ACACA: variants seen among roughly 807,000 people sequenced by gnomAD.
ACACA encodes the protein acetyl-CoA carboxylase alpha, also known as acetyl-CoA carboxylase 1.
A neutral mutation model predicts 296.1 loss-of-function variants in ACACA; 103 were observed. The ratio of observed to expected loss-of-function variants is 0.35; its 90% CI spans 0.30 to 0.41. The LOEUF (loss-of-function observed/expected upper bound fraction) is 0.41. Among genes scored for constraint, ACACA ranks in the 10% least tolerant of loss-of-function variants. ACACA has a pLI of 1.00. For missense variants in ACACA, 1,554 were observed against 2,989.7 expected, an observed-to-expected ratio of 0.52 and a Z score of 11.20; for synonymous variants, 953 against 1,038.6, an observed-to-expected ratio of 0.92 and a Z score of 1.58.
chr17:37,397,190 T>C (rs1274945593), intron 1 of ACACA, among the ~76,000 whole-genome samples: 3 of 152,300 alleles, frequency 2.0e-5, no homozygotes, highest in South Asian at 4.1e-4. Context: ...TCCAGCTTCA[T>C]CCATGTCCCT....
intron 3 of ACACA, among the ~76,000 whole-genome samples, chr17:37,312,268 T>C (rs1312412994): frequency 1.3e-5 from 2 of 152,138 alleles, no homozygotes; most frequent in East Asian, 1.9e-4. Context: ...CAGGCAATTG[T>C]CTACTGCAAC....
chr17:37,085,606 C>A lies in ACACA; in HGVS notation c.*1710G>T. On this transcript the variant is annotated 3_prime_UTR_variant, in exon 56 of 56. Transcript: ENST00000616317. ...GTCCCCCACCACTTTATGCCCTTTT[C>A]TGAAGGTGCTGAACACCTGTACCTT... 1 of 399,050 alleles carries A rather than the reference C, an allele frequency of 2.5e-6. No individual in the cohort carries two copies. 24.7% of individuals were successfully genotyped at this position (399,050 alleles called of 1,614,324 possible).
chr17:37,357,041 C>T (rs1253114094), intron 1 of ACACA, among the ~76,000 whole-genome samples: 1 of 152,144 alleles, frequency 6.6e-6, no homozygotes, highest in Non-Finnish European at 1.5e-5. Flanking sequence ...GATGAGAGAG[C>T]GTTCTCTGAG....
intron 39 of ACACA, 52 bp from the exon 40 acceptor site, chr17:37,181,408 G>C: frequency 5.6e-6 from 9 of 1,603,018 alleles, no homozygotes; most frequent in Non-Finnish European, 6.8e-6. Context: ...AAAAATCAGA[G>C]AGCTGCCTAG....
At chr17:37,291,009 G>A (rs1407922736) in intron 3 of ACACA, among the ~76,000 whole-genome samples, 1 of 148,978 alleles carries the variant, frequency 6.7e-6, no homozygotes, top group Non-Finnish European at 1.5e-5. Context: ...TTGAACCTGG[G>A]AGGTAGAGGT....
chr17:37,143,531 T>C (rs748009870), intron 45 of ACACA: 4 of 448,884 alleles, frequency 8.9e-6, no homozygotes, highest in African/African-American at 2.1e-5. Context: ...CTTTTGGTAG[T>C]GTGTTAACTA....
intron 2 of ACACA, among the ~76,000 whole-genome samples, chr17:37,334,824 T>G (rs551934087): frequency 1.3e-5 from 2 of 152,232 alleles, no homozygotes; most frequent in South Asian, 4.1e-4. Flanking sequence ...CCCGGAAATA[T>G]TGATGCCCCA....
chr17:37,145,093 C>T (rs919084370), intron 45 of ACACA, among the ~76,000 whole-genome samples: 1 of 152,068 alleles, frequency 6.6e-6, no homozygotes, highest in African/African-American at 2.4e-5. Context: ...CTATCTGCCA[C>T]CTAACACTAT....
At chr17:37,400,157 T>C (rs1246976051) in intron 1 of ACACA, among the ~76,000 whole-genome samples, 1 of 152,168 alleles carries the variant, frequency 6.6e-6, no homozygotes, top group African/African-American at 2.4e-5. Flanking sequence ...TCTTGCTCTG[T>C]TGCCCAGGCT....
intron 45 of ACACA, among the ~76,000 whole-genome samples, chr17:37,142,651 G>A (rs2075639210): frequency 6.6e-6 from 1 of 152,184 alleles, no homozygotes; most frequent in Non-Finnish European, 1.5e-5. Flanking sequence ...AATGCAAATT[G>A]CTAGACTGAT....
intron 25 of ACACA, among the ~76,000 whole-genome samples, chr17:37,231,350 A>G (rs919333139): frequency 6.6e-6 from 1 of 152,208 alleles, no homozygotes; most frequent in African/African-American, 2.4e-5. Context: ...CCCTCAAGAC[A>G]TTAACTATTA....
intron 1 of ACACA, among the ~76,000 whole-genome samples, chr17:37,342,436 AAT>A (rs1295176626): frequency 0.079 from 4,593 of 58,126 alleles, 480 homozygotes; most frequent in Middle Eastern, 0.1. Context: ...AAAAAAAAAA[AAT>A]ATATATATAT....
In ACACA at chr17:37,165,705, C is replaced by T. The variant is rs1444340221; in HGVS notation, c.5080-3655G>A. Among the ~76,000 whole-genome samples the T allele has an allele frequency of 1.0e-4, 15 of 146,684 alleles. No individual in the cohort carries two copies. In the East Asian group the frequency reaches 2.8e-3, roughly 27 times the overall value. ...TTTTTTTTTTTTTGAGACAGAGTCT[C>T]GCTCTGTCACCCAGGCTGGAGTGTA... On this transcript the variant is annotated intron_variant, in intron 41 of 55. Coordinates refer to ENST00000616317, the MANE Select transcript of ACACA (RefSeq NM_198834.3).
rs2078571760 is a variant in ACACA at position 37,207,752 on chromosome 17, A to G, written c.3756T>C (p.Ala1252=). The G allele has an allele frequency of 2.5e-6, 4 of 1,613,882 alleles. No individual in the cohort carries two copies. Among genetic ancestry groups the G allele is most frequent in the Non-Finnish European group, 3.4e-6 (4 of 1,179,874 alleles). The change falls in exon 31 of 56, where the codon GCT becomes GCC. Residue 1252 remains alanine (A), a synonymous_variant. Coordinates refer to ENST00000616317, the MANE Select transcript of ACACA (RefSeq NM_198834.3). The part of the protein sequence containing the change: ...NLNHYGMTHV[A]SVSDVLLDNS... Reference sequence around the variant, plus strand: ...TGTCCAACAGTACATCGCTGACACTAGCTACATGGGTCATGCCATAGTGGT... The same window carrying G: ...TGTCCAACAGTACATCGCTGACACTGGCTACATGGGTCATGCCATAGTGGT...
chr17:37,322,581 A>G (rs1357962694), intron 3 of ACACA, among the ~76,000 whole-genome samples: 1 of 152,168 alleles, frequency 6.6e-6, no homozygotes, highest in Non-Finnish European at 1.5e-5. Flanking sequence ...TTCATTTTCC[A>G]AGACCACTCT....
intron 4 of ACACA, 77 bp from the exon 5 acceptor site, chr17:37,283,482 T>A: frequency 6.7e-7 from 1 of 1,486,874 alleles, no homozygotes; most frequent in Non-Finnish European, 9.3e-7. Context: ...ATGAGAGAAT[T>A]TTTACATATC....
rs2077613586 is a variant in ACACA, at chr17:37,188,268, G to T, written c.4776+9C>A. The T allele has an allele frequency of 6.2e-7, 1 of 1,613,118 alleles. No individual in the cohort carries two copies. Among genetic ancestry groups the T allele is most frequent in the Admixed American group, 1.7e-5 (1 of 59,966 alleles). The stretch of plus-strand genomic sequence containing the variant: ...TCAAAACTCTGAGGAGCCTGTTTGA[G>T]TATTGTACCTGTGCTGTCCTGGAGT... On this transcript the variant is annotated intron_variant, in intron 39 of 55. Coordinates refer to ENST00000616317, the MANE Select transcript of ACACA (RefSeq NM_198834.3).
intron 47 of ACACA, among the ~76,000 whole-genome samples, chr17:37,128,108 T>C (rs779336475): frequency 2.7e-5 from 4 of 149,706 alleles, no homozygotes; most frequent in Non-Finnish European, 5.9e-5. Context: ...GAAAAACTAT[T>C]TCGTTTTATT....
At chr17:37,329,459 G>A (rs1437793728) in intron 3 of ACACA, among the ~76,000 whole-genome samples, 1 of 151,948 alleles carries the variant, frequency 6.6e-6, no homozygotes, top group East Asian at 1.9e-4. Context: ...GGCCAACATG[G>A]CGAAACCCGG....
Sources: gnomAD v4.1 joint callset for allele counts (sites outside exome capture counted in the v4.1 genomes callset) on GRCh38, gnomAD v4.1.1 for gene constraint, MANE v1.5 for transcripts, NCBI Gene and HGNC (gene_info 2026-07-23, HGNC 2026-07-21) for gene names.